Variants in ZC3H12B observed in about 807,000 individuals in gnomAD.
ZC3H12B encodes probable ribonuclease ZC3H12B.
ZC3H12B carries 7 observed loss-of-function variants against 43.9 expected under a neutral mutation model. That is an observed-to-expected ratio of 0.16 (90% CI 0.09 to 0.30). The LOEUF (loss-of-function observed/expected upper bound fraction) is 0.30. Among genes scored for constraint, ZC3H12B ranks in the 10% least tolerant of loss-of-function variants. ZC3H12B has a pLI of 1.00. For synonymous variants in ZC3H12B, 222 were observed against 241.7 expected, an observed-to-expected ratio of 0.92 and a Z score of 0.76; for missense variants, 475 against 670.2, an observed-to-expected ratio of 0.71 and a Z score of 3.22.
chrX:65,084,998 G>A, the ZC3H12B span, among the ~76,000 whole-genome samples: 3 of 111,993 alleles, frequency 2.7e-5, no homozygotes, highest in Non-Finnish European at 5.6e-5. Context: ...AATGAAATAA[G>A]CCAGGCACAG....
intron 3 of ZC3H12B, among the ~76,000 whole-genome samples, chrX:65,429,533 A>G (rs1206007977): frequency 5.3e-5 from 6 of 112,414 alleles, no homozygotes; most frequent in Admixed American, 4.7e-4. Context: ...TCTGGCCAAA[A>G]TCTGGCAAAG....
the ZC3H12B span, among the ~76,000 whole-genome samples, chrX:65,131,622 A>G: frequency 9.0e-6 from 1 of 111,520 alleles, no homozygotes. Context: ...GAGTTTATGT[A>G]ATGGTTTAGT....
the ZC3H12B span, among the ~76,000 whole-genome samples, chrX:65,108,412 A>AT: frequency 7.3e-5 from 8 of 110,166 alleles, no homozygotes; most frequent in Middle Eastern, 4.6e-3. Flanking sequence ...ATTTAATTTA[A>AT]TTTTTTTTAA....
chrX:65,073,315 G>A, the ZC3H12B span, among the ~76,000 whole-genome samples: 2 of 112,513 alleles, frequency 1.8e-5, no homozygotes, highest in Non-Finnish European at 3.8e-5. Flanking sequence ...CTGCAGTGGA[G>A]TGTGGGAGGG....
chrX:65,451,763 T>C (rs1569413880), intron 3 of ZC3H12B, among the ~76,000 whole-genome samples: 1 of 112,120 alleles, frequency 8.9e-6, no homozygotes, highest in Non-Finnish European at 1.9e-5. Flanking sequence ...TTCTCACATT[T>C]TTAGAAGAGA....
the ZC3H12B span, among the ~76,000 whole-genome samples, chrX:65,215,731 T>A: frequency 8.9e-6 from 1 of 111,964 alleles, no homozygotes; most frequent in Non-Finnish European, 1.9e-5. Flanking sequence ...GCTAACTGTT[T>A]GGCAGAAGAG....
At chrX:65,414,854 T>C (rs1348098104) in intron 3 of ZC3H12B, among the ~76,000 whole-genome samples, 2 of 112,320 alleles carry the variant, frequency 1.8e-5, no homozygotes, top group Non-Finnish European at 3.8e-5. Flanking sequence ...TGTATATACT[T>C]ATGGCATACA....
At chrX:65,498,647 G>A (rs763973459) in intron 2 of ZC3H12B, among the ~76,000 whole-genome samples, 96 of 112,344 alleles carry the variant, frequency 8.5e-4, no homozygotes, top group Non-Finnish European at 1.6e-3. Flanking sequence ...GTATTTCCCT[G>A]TTAGAAATCA....
the ZC3H12B span, among the ~76,000 whole-genome samples, chrX:65,190,893 G>A: frequency 5.8e-4 from 61 of 105,639 alleles, 1 homozygote; most frequent in Non-Finnish European, 1.2e-3. Flanking sequence ...CAAAGGGAAT[G>A]CTTCCAGTTT....
At chrX:65,441,776 CT>C (rs1160126469) in intron 3 of ZC3H12B, among the ~76,000 whole-genome samples, 1 of 111,234 alleles carries the variant, frequency 9.0e-6, no homozygotes, top group African/African-American at 3.3e-5. Context: ...AGGCTCACAG[CT>C]TTTGTGCAGC....
intron 2 of ZC3H12B, among the ~76,000 whole-genome samples, chrX:65,383,845 C>A (rs774882731): frequency 9.1e-6 from 1 of 109,597 alleles, no homozygotes; most frequent in Non-Finnish European, 1.9e-5. Context: ...GTTAGAATGG[C>A]AATCATTAAA....
the ZC3H12B span, among the ~76,000 whole-genome samples, chrX:65,193,280 A>G: frequency 9.0e-6 from 1 of 110,651 alleles, no homozygotes; most frequent in Non-Finnish European, 1.9e-5. Flanking sequence ...AGTGAAGCCA[A>G]TTTGCTGGAA....
chrX:65,458,618 C>A (rs1401093021), intron 3 of ZC3H12B, among the ~76,000 whole-genome samples: 1 of 111,657 alleles, frequency 9.0e-6, no homozygotes, highest in Non-Finnish European at 1.9e-5. Flanking sequence ...TACTGGGTAC[C>A]TAACGAAATG....
the ZC3H12B span, among the ~76,000 whole-genome samples, chrX:65,079,841 C>T: frequency 1.8e-5 from 2 of 111,074 alleles, no homozygotes; most frequent in Admixed American, 9.6e-5. Context: ...AGCATCAACA[C>T]TACCCAGGAA....
At chrX:65,315,315 A>C in the ZC3H12B span, among the ~76,000 whole-genome samples, 306 of 112,318 alleles carry the variant, frequency 2.7e-3, 2 homozygotes, top group Non-Finnish European at 4.4e-3. Context: ...TAGAAGTAAA[A>C]TATATGACAA....
chrX:65,212,051 AAT>A, the ZC3H12B span, among the ~76,000 whole-genome samples: 126 of 63,248 alleles, frequency 2.0e-3, no homozygotes, highest in African/African-American at 7.1e-3. Flanking sequence ...TATAATATAT[AAT>A]ATATATGTTA....
the ZC3H12B span, among the ~76,000 whole-genome samples, chrX:65,072,067 C>T: frequency 2.7e-5 from 3 of 111,713 alleles, no homozygotes; most frequent in Non-Finnish European, 5.6e-5. Context: ...CTTCCATTCT[C>T]CTCATCTCAG....
chrX:65,236,181 T>A, the ZC3H12B span, among the ~76,000 whole-genome samples: 1 of 112,050 alleles, frequency 8.9e-6, no homozygotes, highest in African/African-American at 3.2e-5. Flanking sequence ...GTGGGCTCTA[T>A]CTGGAACAGG....
At chrX:65,215,547 G>T in the ZC3H12B span, among the ~76,000 whole-genome samples, 2 of 110,635 alleles carry the variant, frequency 1.8e-5, no homozygotes, top group Non-Finnish European at 3.8e-5. Context: ...TTGCAGCCTT[G>T]CCCTGTATTG....
Sources: gnomAD v4.1 joint callset for allele counts (sites outside exome capture counted in the v4.1 genomes callset) on GRCh38, gnomAD v4.1.1 for gene constraint, MANE v1.5 for transcripts, NCBI Gene and HGNC (gene_info 2026-07-23, HGNC 2026-07-21) for gene names.